CNTNAP2: variants seen among roughly 807,000 people sequenced by gnomAD.
The protein encoded by CNTNAP2 is contactin-associated protein-like 2.
CNTNAP2 carries 98 observed loss-of-function variants against 155.2 expected under a neutral mutation model. The ratio of observed to expected loss-of-function variants is 0.63; its 90% CI spans 0.54 to 0.75. The LOEUF (loss-of-function observed/expected upper bound fraction) is 0.75, where lower values mean the gene tolerates loss of function less well. Among genes scored for constraint, CNTNAP2 ranks in the 30% least tolerant of loss-of-function variants. The probability of loss-of-function intolerance (pLI) is 0.00; values close to 1 mark genes in which losing one functional copy is unlikely to be tolerated. For synonymous variants in CNTNAP2, 651 were observed against 631.2 expected (o/e 1.03, Z -0.47); for missense variants, 1,727 against 1,688.1 (o/e 1.02, Z -0.40).
rs1799784619 is a variant in CNTNAP2, at chr7:146,644,934, C to G, written c.98-129337C>G. On this transcript the variant is annotated intron_variant, in intron 1 of 23. Coordinates refer to ENST00000361727, the MANE Select transcript of CNTNAP2 (RefSeq NM_014141.6). ...GGAACTGGTACCATTCCTTCTGAAA[C>G]TATTCCAGTCAGTAGAAAAAGAGGG... is the stretch of plus-strand genomic sequence containing the variant. 2.0e-5 allele frequency among the ~76,000 whole-genome samples: 3 copies of G among 152,092 alleles called. No homozygotes were observed. The South Asian group carries it at 6.2e-4, about 32-fold the overall frequency.
chr7:146,952,514 T>C lies in CNTNAP2; in HGVS notation c.403-91393T>C, dbSNP rs564188887. Among the ~76,000 whole-genome samples the C allele has an allele frequency of 5.9e-5, 9 of 152,304 alleles. No homozygotes were observed. The South Asian group carries it at 1.9e-3, about 32-fold the overall frequency. Reference sequence around the variant, plus strand: ...TCTCTGTTTGCAGATAATATGATTGTATGTTTAGGAAACCCCATCGCCTCA... The same window carrying C: ...TCTCTGTTTGCAGATAATATGATTGCATGTTTAGGAAACCCCATCGCCTCA... On this transcript the variant is annotated intron_variant, in intron 3 of 23. Transcript: ENST00000361727.
intron 3 of CNTNAP2, among the ~76,000 whole-genome samples, chr7:147,004,223 A>G (rs1284160503): frequency 6.6e-6 from 1 of 150,668 alleles, no homozygotes; most frequent in African/African-American, 2.4e-5. Flanking sequence ...AAAAAAAAAA[A>G]AAAAGAAAAA....
chr7:146,281,235 TA>T (rs1362762016), intron 1 of CNTNAP2, among the ~76,000 whole-genome samples: 1 of 152,170 alleles, frequency 6.6e-6, no homozygotes, highest in East Asian at 1.9e-4. Flanking sequence ...CACAGAGGTG[TA>T]AAAAATTGAT....
intron 13 of CNTNAP2, chr7:147,643,372 A>G (rs993003345): frequency 7.2e-5 from 11 of 152,122 alleles, no homozygotes; most frequent in African/African-American, 2.2e-4. Context: ...TACACTCCCA[A>G]TTTTCATTTT....
intron 1 of CNTNAP2, among the ~76,000 whole-genome samples, chr7:146,644,990 C>A (rs1279847053): frequency 6.6e-6 from 1 of 152,128 alleles, no homozygotes; most frequent in Non-Finnish European, 1.5e-5. Context: ...ATGAGGCCAG[C>A]ATCATCCTGA....
chr7:147,077,769 T>C (rs1410159395), intron 4 of CNTNAP2, among the ~76,000 whole-genome samples: 1 of 152,162 alleles, frequency 6.6e-6, no homozygotes, highest in East Asian at 1.9e-4. Context: ...ATAATGATAG[T>C]ACCCTCATAA....
At chr7:146,699,404 G>A (rs1377949012) in intron 1 of CNTNAP2, among the ~76,000 whole-genome samples, 1 of 152,080 alleles carries the variant, frequency 6.6e-6, no homozygotes. Context: ...TTATTATGCA[G>A]GAGTTCTGCT....
chr7:147,465,680 T>A (rs1008351098), intron 10 of CNTNAP2, among the ~76,000 whole-genome samples: 1 of 152,204 alleles, frequency 6.6e-6, no homozygotes, highest in Admixed American at 6.5e-5. Flanking sequence ...GCTGGCTTGA[T>A]GGGGTCAATT....
intron 2 of CNTNAP2, among the ~76,000 whole-genome samples, chr7:146,822,070 C>A (rs922648858): frequency 1.3e-5 from 2 of 152,110 alleles, no homozygotes; most frequent in African/African-American, 4.8e-5. Flanking sequence ...TTGGAACCAA[C>A]CCAAATGTCC....
At chr7:147,773,730 T>A (rs1678849194) in intron 13 of CNTNAP2, among the ~76,000 whole-genome samples, 1 of 152,140 alleles carries the variant, frequency 6.6e-6, no homozygotes, top group South Asian at 2.1e-4. Flanking sequence ...TCCAAAATAT[T>A]TTCAGTGCCC....
chr7:146,367,861 T>C (rs1273446270), intron 1 of CNTNAP2, among the ~76,000 whole-genome samples: 1 of 152,132 alleles, frequency 6.6e-6, no homozygotes, highest in East Asian at 1.9e-4. Context: ...TTCCACAAAC[T>C]ATGATTCTGT....
At chr7:148,065,248 A>G (rs1231172940) in intron 15 of CNTNAP2, among the ~76,000 whole-genome samples, 1 of 152,158 alleles carries the variant, frequency 6.6e-6, no homozygotes, top group Non-Finnish European at 1.5e-5. Context: ...TGTGCTGATG[A>G]GTAGAATGTC....
At chr7:146,472,234 G>C (rs1489344650) in intron 1 of CNTNAP2, among the ~76,000 whole-genome samples, 2 of 152,028 alleles carry the variant, frequency 1.3e-5, no homozygotes, top group Non-Finnish European at 2.9e-5. Flanking sequence ...GGAGGTCTGC[G>C]CTATATATGG....
intron 1 of CNTNAP2, among the ~76,000 whole-genome samples, chr7:146,592,253 A>G (rs1798794502): frequency 6.6e-6 from 1 of 152,196 alleles, no homozygotes; most frequent in East Asian, 1.9e-4. Flanking sequence ...GGTCTTCAGG[A>G]GGAGAATATC....
intron 9 of CNTNAP2, among the ~76,000 whole-genome samples, chr7:147,313,862 C>T (rs1795174477): frequency 6.6e-6 from 1 of 151,266 alleles, no homozygotes; most frequent in Non-Finnish European, 1.5e-5. Context: ...GCAGTATGGC[C>T]ATTTTCACGA....
At chr7:148,310,222 A>G (rs1323404447) in intron 21 of CNTNAP2, among the ~76,000 whole-genome samples, 1 of 152,212 alleles carries the variant, frequency 6.6e-6, no homozygotes, top group East Asian at 1.9e-4. Flanking sequence ...CTTGGTTGGC[A>G]AGTTTTTGGG....
chr7:148,368,281 G>A (rs1181717010), intron 21 of CNTNAP2, among the ~76,000 whole-genome samples: 3 of 152,148 alleles, frequency 2.0e-5, no homozygotes, highest in South Asian at 2.1e-4. Context: ...GGTTGCTGGC[G>A]GCTACAACTG....
At chr7:147,169,406 T>A (rs1280800419) in intron 8 of CNTNAP2, among the ~76,000 whole-genome samples, 1 of 152,136 alleles carries the variant, frequency 6.6e-6, no homozygotes, top group African/African-American at 2.4e-5. Context: ...ACCCAATAGG[T>A]AGTTTTTCAA....
At chr7:147,799,468 A>C (rs919317218) in intron 13 of CNTNAP2, among the ~76,000 whole-genome samples, 4 of 152,180 alleles carry the variant, frequency 2.6e-5, no homozygotes, top group Non-Finnish European at 5.9e-5. Flanking sequence ...CTGTGTCTCC[A>C]ATGTGATATG....
Sources: gnomAD v4.1 joint callset for allele counts (sites outside exome capture counted in the v4.1 genomes callset) on GRCh38, gnomAD v4.1.1 for gene constraint, MANE v1.5 for transcripts, NCBI Gene and HGNC (gene_info 2026-07-23, HGNC 2026-07-21) for gene names.